The following BORCS5 variants were observed in gnomAD, a reference collection of about 807,000 sequenced individuals.
BORCS5 encodes BLOC-1 related complex subunit 5, also known as BLOC-1-related complex subunit 5.
Under a neutral mutation model 22.1 loss-of-function variants are expected in BORCS5, and 17 were observed. That is an observed-to-expected ratio of 0.77 (90% CI 0.53 to 1.15). The LOEUF (loss-of-function observed/expected upper bound fraction) is 1.15. BORCS5 is among the 50% of genes most tolerant of loss of function. BORCS5 has a pLI of 0.00. For synonymous variants in BORCS5, 117 were observed against 99.8 expected (o/e 1.17, Z -1.03); for missense variants, 247 against 253.2 (o/e 0.98, Z 0.17).
In BORCS5 at chr12:12,369,482, C is replaced by T. The variant is rs147641276; in HGVS notation, c.202+8133C>T. ...CTGTGTGCTTTTGGTTACTTTCATA[C>T]TCCTTTCCTGCTTCCTTGCATTACA... On this transcript the variant is annotated intron_variant, in intron 2 of 3. Transcript: ENST00000314565. 3.3e-3 allele frequency among the ~76,000 whole-genome samples: 507 copies of T among 152,070 alleles called. 4 individuals carry two copies. Among genetic ancestry groups the T allele is most frequent in the African/African-American group, 0.01 (431 of 41,480 alleles).
At chr12:12,446,690 T>G (rs1407892174) in intron 3 of BORCS5, among the ~76,000 whole-genome samples, 6 of 152,210 alleles carry the variant, frequency 3.9e-5, no homozygotes, top group Non-Finnish European at 7.4e-5. Flanking sequence ...GTTGACAGAC[T>G]GACTATAGTA....
chr12:12,427,836 C>G (rs1187517862), intron 2 of BORCS5, among the ~76,000 whole-genome samples: 1 of 152,090 alleles, frequency 6.6e-6, no homozygotes, highest in East Asian at 1.9e-4. Flanking sequence ...GGGAGGCTCT[C>G]ACATCTCTTC....
rs143914064 is a variant in BORCS5 at position 12,431,574 on chromosome 12, G to A, written c.203-4054G>A. Among the ~76,000 whole-genome samples the A allele has an allele frequency of 2.9e-3, 444 of 151,806 alleles. 3 individuals carry two copies. The highest frequency in any genetic ancestry group is 8.9e-3 in the African/African-American group (369 of 41,408). On this transcript the variant is annotated intron_variant, in intron 2 of 3. Transcript: ENST00000314565. The stretch of plus-strand genomic sequence containing the variant: ...CTGCCACCATGCCCAACTAATTTTT[G>A]TATTTTTAGTAGAGACGGGGTTTCA...
chr12:12,445,526 TAC>T (rs1565922925), intron 3 of BORCS5, among the ~76,000 whole-genome samples: 1 of 101,138 alleles, frequency 9.9e-6, no homozygotes, highest in Non-Finnish European at 2.0e-5. Flanking sequence ...CAATTTGAAA[TAC>T]CTTTTTTTTT....
chr12:12,427,680 A>G (rs1392077093), intron 2 of BORCS5, among the ~76,000 whole-genome samples: 4 of 152,188 alleles, frequency 2.6e-5, no homozygotes, highest in Admixed American at 2.6e-4. Context: ...CTTAAACAGC[A>G]AGCATTTATC....
chr12:12,448,037 A>G (rs1019465372), intron 3 of BORCS5, among the ~76,000 whole-genome samples: 1 of 152,154 alleles, frequency 6.6e-6, no homozygotes, highest in Non-Finnish European at 1.5e-5. Flanking sequence ...GGCATTTTGC[A>G]TATATCAGCT....
chr12:12,411,426 T>A (rs1033914096), intron 2 of BORCS5, among the ~76,000 whole-genome samples: 6 of 152,196 alleles, frequency 3.9e-5, no homozygotes, highest in Non-Finnish European at 8.8e-5. Context: ...TGCCCATTTA[T>A]GAATTGGGTT....
chr12:12,364,211 A>T (rs1317469449), intron 2 of BORCS5, among the ~76,000 whole-genome samples: 2 of 151,784 alleles, frequency 1.3e-5, no homozygotes, highest in Admixed American at 6.6e-5. Flanking sequence ...CCCCATCTCT[A>T]CTAAAAATAC....
At chr12:12,447,116 C>T (rs1414599907) in intron 3 of BORCS5, among the ~76,000 whole-genome samples, 1 of 152,162 alleles carries the variant, frequency 6.6e-6, no homozygotes, top group Non-Finnish European at 1.5e-5. Context: ...GACTTAGATT[C>T]TCTGGAGTCT....
At chr12:12,366,251 C>T (rs986865722) in intron 2 of BORCS5, among the ~76,000 whole-genome samples, 2 of 152,238 alleles carry the variant, frequency 1.3e-5, no homozygotes, top group African/African-American at 4.8e-5. Context: ...TGAAGTATTA[C>T]ACAGAGTTCA....
At chr12:12,420,838 A>C (rs1182870808) in intron 2 of BORCS5, among the ~76,000 whole-genome samples, 4 of 152,034 alleles carry the variant, frequency 2.6e-5, no homozygotes. Flanking sequence ...GTTCACTCAT[A>C]ATTTGGCTGT....
intron 2 of BORCS5, among the ~76,000 whole-genome samples, chr12:12,409,639 T>C (rs536788721): frequency 3.3e-5 from 5 of 152,302 alleles, no homozygotes; most frequent in African/African-American, 9.6e-5. Context: ...TTGTTGGACA[T>C]TTGGGTTGGT....
intron 3 of BORCS5, among the ~76,000 whole-genome samples, chr12:12,458,054 CTG>C (rs771190668): frequency 4.6e-5 from 7 of 152,342 alleles, no homozygotes; most frequent in Admixed American, 1.3e-4. Flanking sequence ...TCTTTCCACA[CTG>C]TGTCAGGGCT....
rs1270554281 is a variant in BORCS5, at chr12:12,424,542, A to G, written c.203-11086A>G. On this transcript the variant is annotated intron_variant, in intron 2 of 3. Coordinates refer to ENST00000314565, the MANE Select transcript of BORCS5 (RefSeq NM_058169.6). ...GCCATTGTCTTTTTTCAGGGACAGT[A>G]TCTGTTGGTTTATATTTTTCCTTTG... is the stretch of plus-strand genomic sequence containing the variant. Among the ~76,000 whole-genome samples, 4 of 149,670 alleles carry G rather than the reference A, an allele frequency of 2.7e-5. No individual in the cohort carries two copies. In the East Asian group the frequency reaches 5.8e-4, roughly 22 times the overall value.
At chr12:12,458,525 A>T (rs111427664) in intron 3 of BORCS5, among the ~76,000 whole-genome samples, 1 of 151,192 alleles carries the variant, frequency 6.6e-6, no homozygotes, top group African/African-American at 2.4e-5. Context: ...AATATTATGA[A>T]ATGTTCTCAG....
chr12:12,402,568 G>A (rs530912651), intron 2 of BORCS5, among the ~76,000 whole-genome samples: 1 of 152,300 alleles, frequency 6.6e-6, no homozygotes, highest in East Asian at 1.9e-4. Flanking sequence ...ATATCTCATT[G>A]AAGTAGACTT....
intron 2 of BORCS5, among the ~76,000 whole-genome samples, chr12:12,423,410 C>A (rs1265639868): frequency 1.4e-5 from 2 of 142,046 alleles, no homozygotes; most frequent in Non-Finnish European, 3.0e-5. Flanking sequence ...TCTTGCAGGG[C>A]AGGTCTAGTA....
intron 2 of BORCS5, among the ~76,000 whole-genome samples, chr12:12,414,198 A>G (rs1157307115): frequency 3.2e-4 from 21 of 65,256 alleles, no homozygotes; most frequent in East Asian, 1.5e-3. Context: ...GCGGCTGGCC[A>G]GGCGGGGGGC....
intron 2 of BORCS5, among the ~76,000 whole-genome samples, chr12:12,375,139 G>A (rs1018564255): frequency 1.2e-4 from 18 of 152,082 alleles, no homozygotes; most frequent in Non-Finnish European, 1.8e-4. Context: ...AGCCTCCTGA[G>A]TAGCTGATAT....
Sources: gnomAD v4.1 joint callset for allele counts (sites outside exome capture counted in the v4.1 genomes callset) on GRCh38, gnomAD v4.1.1 for gene constraint, MANE v1.5 for transcripts, NCBI Gene and HGNC (gene_info 2026-07-23, HGNC 2026-07-21) for gene names.